MSRA: variants seen among roughly 807,000 people sequenced by gnomAD.
The protein encoded by MSRA is mitochondrial peptide methionine sulfoxide reductase.
MSRA carries 54 observed loss-of-function variants against 31.3 expected under a neutral mutation model. The observed-to-expected ratio is 1.73, with a 90% CI of 1.39 to 2.17. The LOEUF is 2.17. Ranked by LOEUF, MSRA falls within the 30% of genes most tolerant of loss-of-function variation. The pLI, the probability that MSRA is intolerant of heterozygous loss-of-function variation, is 0.00. For missense variants in MSRA, 507 were observed against 300.9 expected (o/e 1.69, Z -5.07); for synonymous variants, 169 against 116.5 (o/e 1.45, Z -2.90).
chr8:10,086,507 C>A (rs1798564429), intron 1 of MSRA, among the ~76,000 whole-genome samples: 1 of 152,002 alleles, frequency 6.6e-6, no homozygotes, highest in East Asian at 1.9e-4. Context: ...ATTTTTCTAC[C>A]CTATATATGA....
intron 3 of MSRA, among the ~76,000 whole-genome samples, chr8:10,250,148 A>T (rs1797842013): frequency 6.6e-6 from 1 of 152,184 alleles, no homozygotes; most frequent in African/African-American, 2.4e-5. Flanking sequence ...AACAGTTGTT[A>T]TGCAAACCAA....
chr8:10,390,599 A>AT (rs936206556), intron 5 of MSRA, among the ~76,000 whole-genome samples: 1 of 152,072 alleles, frequency 6.6e-6, no homozygotes, highest in Non-Finnish European at 1.5e-5. Context: ...GATTTGGGGC[A>AT]TTTTTTCGAG....
At chr8:10,207,945 A>G (rs371614208) in intron 2 of MSRA, 44 bp downstream of exon 2, 28 of 1,509,646 alleles carry the variant, frequency 1.9e-5, no homozygotes, top group East Asian at 1.1e-4. Context: ...GTGTGCAAAG[A>G]CTAGTGCCAA....
At chr8:10,116,803 A>G (rs1014449710) in intron 1 of MSRA, among the ~76,000 whole-genome samples, 1 of 152,122 alleles carries the variant, frequency 6.6e-6, no homozygotes, top group African/African-American at 2.4e-5. Flanking sequence ...CCCCGTCTCT[A>G]CTAAAAATAC....
intron 3 of MSRA, among the ~76,000 whole-genome samples, chr8:10,272,596 C>T (rs1799104201): frequency 6.6e-6 from 1 of 152,218 alleles, no homozygotes; most frequent in Non-Finnish European, 1.5e-5. Context: ...CTCACAGGGA[C>T]ACCCAGAATA....
At chr8:10,399,880 G>C (rs1395017338) in intron 5 of MSRA, among the ~76,000 whole-genome samples, 1 of 152,162 alleles carries the variant, frequency 6.6e-6, no homozygotes, top group African/African-American at 2.4e-5. Flanking sequence ...CTCTGCTTTA[G>C]ATGGATGGTC....
chr8:10,135,589 G>T (rs1379077560), intron 1 of MSRA, among the ~76,000 whole-genome samples: 2 of 152,278 alleles, frequency 1.3e-5, no homozygotes, highest in African/African-American at 4.8e-5. Context: ...TCAGGCAAAG[G>T]TATGGTTCAT....
intron 3 of MSRA, among the ~76,000 whole-genome samples, chr8:10,248,893 A>T (rs1377646497): frequency 6.6e-6 from 1 of 152,228 alleles, no homozygotes; most frequent in Non-Finnish European, 1.5e-5. Flanking sequence ...GTGGCAGTAT[A>T]AAATCAGCCT....
intron 3 of MSRA, among the ~76,000 whole-genome samples, chr8:10,293,077 C>T (rs566295086): frequency 6.6e-6 from 1 of 152,154 alleles, no homozygotes; most frequent in Non-Finnish European, 1.5e-5. Context: ...TGGCTTTCCT[C>T]TCAGTAAAAT....
intron 1 of MSRA, chr8:10,095,887 A>G (rs1028906552): frequency 3.9e-6 from 5 of 1,284,606 alleles, no homozygotes; most frequent in African/African-American, 1.5e-5. Context: ...TTTTGCATGT[A>G]TGATTATACC....
intron 1 of MSRA, among the ~76,000 whole-genome samples, chr8:10,160,481 C>G (rs1350604713): frequency 6.7e-6 from 1 of 149,798 alleles, no homozygotes; most frequent in Non-Finnish European, 1.5e-5. Context: ...GGCAACAGAG[C>G]GAGACTCCAT....
chr8:10,235,281 T>C (rs956767459), intron 2 of MSRA, among the ~76,000 whole-genome samples: 7 of 152,090 alleles, frequency 4.6e-5, no homozygotes, highest in African/African-American at 1.4e-4. Context: ...GGCCATATGT[T>C]TGAAAGCAAA....
chr8:10,125,447 A>AGT (rs1801430377), intron 1 of MSRA, among the ~76,000 whole-genome samples: 1 of 152,194 alleles, frequency 6.6e-6, no homozygotes, highest in Admixed American at 6.5e-5. Context: ...GACACTCAGG[A>AGT]GTGAGAATCA....
chr8:10,372,863 C>T (rs761081219), intron 5 of MSRA, among the ~76,000 whole-genome samples: 1 of 152,212 alleles, frequency 6.6e-6, no homozygotes, highest in Non-Finnish European at 1.5e-5. Context: ...TAAGCGTGTG[C>T]TAAGCACTTT....
chr8:10,323,745 C>CGTGTGTGTGTGTGTGTGTGT (rs10643873), intron 5 of MSRA, among the ~76,000 whole-genome samples: 10,200 of 142,326 alleles, frequency 0.072, 540 homozygotes, highest in Non-Finnish European at 0.11. Flanking sequence ...GAATTAAATA[C>CGTGTGTGTGTGTGTGTGTGT]GTGTGTGTGT....
At chr8:10,283,820 TATATATATATATATATACACACAC>T (rs1563307610) in intron 3 of MSRA, among the ~76,000 whole-genome samples, 4 of 71,098 alleles carry the variant, frequency 5.6e-5, no homozygotes, top group African/African-American at 2.0e-4. Flanking sequence ...TATATATATA[TATATATATATATATATACACACAC>T]ACACACACAC....
At chr8:10,191,101 G>A (rs1446226495) in intron 1 of MSRA, among the ~76,000 whole-genome samples, 2 of 152,194 alleles carry the variant, frequency 1.3e-5, no homozygotes, top group African/African-American at 4.8e-5. Context: ...GCTGCTTATG[G>A]ATGAAGTATC....
intron 3 of MSRA, among the ~76,000 whole-genome samples, chr8:10,280,729 A>G (rs1283459381): frequency 1.3e-5 from 2 of 152,260 alleles, no homozygotes; most frequent in South Asian, 2.1e-4. Context: ...AAATATTTAT[A>G]GCAGCATTAT....
chr8:10,276,799 G>A (rs1799345575), intron 3 of MSRA, among the ~76,000 whole-genome samples: 1 of 152,148 alleles, frequency 6.6e-6, no homozygotes, highest in Admixed American at 6.6e-5. Flanking sequence ...ATAAGCAAAT[G>A]AATCCTCCTT....
Sources: gnomAD v4.1 joint callset for allele counts (sites outside exome capture counted in the v4.1 genomes callset) on GRCh38, gnomAD v4.1.1 for gene constraint, MANE v1.5 for transcripts, NCBI Gene and HGNC (gene_info 2026-07-23, HGNC 2026-07-21) for gene names.